ORC1: variants seen among roughly 807,000 people sequenced by gnomAD.
ORC1 encodes the protein origin recognition complex subunit 1, also known as origin recognition complex, subunit 1 homolog.
Under a neutral mutation model 98.9 loss-of-function variants are expected in ORC1, and 61 were observed. That is an observed-to-expected ratio of 0.62 (90% CI 0.50 to 0.76). The LOEUF (loss-of-function observed/expected upper bound fraction) is 0.76. Among genes scored for constraint, ORC1 ranks in the 30% least tolerant of loss-of-function variants. ORC1 has a pLI of 0.00. For synonymous variants in ORC1, 385 were observed against 406.9 expected (o/e 0.95, Z 0.65); for missense variants, 979 against 1,072.2 (o/e 0.91, Z 1.21).
upstream of ORC1, chr1:52,408,824 T>G: frequency 8.6e-7 from 1 of 1,161,890 alleles, no homozygotes; most frequent in Non-Finnish European, 1.2e-6. Flanking sequence ...CTATGCAGGT[T>G]TTCCCTTGTC....
At position 52,388,529 on chromosome 1, in the gene ORC1, T is replaced by A; in HGVS notation, c.1296A>T (p.Pro432=). 6.2e-7 allele frequency: 1 copy of A among 1,614,162 alleles called. No homozygotes were observed. The highest frequency in any genetic ancestry group is 8.5e-7 in the Non-Finnish European group (1 of 1,179,992). ...DEEEASTPPL[P]RRAPRTVSRN... ...TGGACACAGTTCTGGGTGCTCTCCT[T>A]GGAAGGGGCGGTGTGGAAGCCTCTT... Residue 432 remains proline, a synonymous_variant, in exon 8 of 17, where the codon CCA becomes CCT. Coordinates refer to ENST00000371568, the MANE Select transcript of ORC1 (RefSeq NM_004153.4).
chr1:52,398,092 TAGCTGAG>T (rs1374549445), intron 3 of ORC1, among the ~76,000 whole-genome samples: 2 of 151,688 alleles, frequency 1.3e-5, no homozygotes, highest in African/African-American at 4.8e-5. Flanking sequence ...GCCTCCTGAG[TAGCTGAG>T]ATTACAGGCA....
At chr1:52,404,038 C>T (rs1647867086) in intron 1 of ORC1, among the ~76,000 whole-genome samples, 1 of 152,226 alleles carries the variant, frequency 6.6e-6, no homozygotes, top group South Asian at 2.1e-4. Flanking sequence ...AACTCAGTTC[C>T]CTGCAGCGCG....
chr1:52,404,500 C>T (rs1647900738), upstream of ORC1: 1 of 374,560 alleles, frequency 2.7e-6, no homozygotes, highest in Non-Finnish European at 4.9e-6. Flanking sequence ...ACTAGCTCGC[C>T]CCGCCCACTC....
intron 6 of ORC1, among the ~76,000 whole-genome samples, chr1:52,392,776 G>A (rs931822938): frequency 6.6e-6 from 1 of 152,154 alleles, no homozygotes; most frequent in Non-Finnish European, 1.5e-5. Flanking sequence ...ATGGAGATGA[G>A]ACCATTATTC....
intron 6 of ORC1, among the ~76,000 whole-genome samples, chr1:52,392,195 C>A (rs1647226887): frequency 6.6e-6 from 1 of 151,098 alleles, no homozygotes; most frequent in Non-Finnish European, 1.5e-5. Flanking sequence ...AGTGGCGCGA[C>A]CTCCGCTCAC....
At chr1:52,385,358 C>A in intron 9 of ORC1, 96 bp from the exon 10 acceptor site, 1 of 877,542 alleles carries the variant, frequency 1.1e-6, no homozygotes, top group South Asian at 1.3e-5. Flanking sequence ...GGTTTCTTGT[C>A]TATGTTTCTA....
chr1:52,388,474 A>G lies in ORC1; in HGVS notation c.1351T>C (p.Leu451=). ...TTTGGCACCTTCGTGAGGGTATGTA[A>G]GGATGACTTCAAGGAAGATCGCAGG... ...RNLRSSLKSS[L]HTLTKVPKKS... Residue 451 remains leucine (L), a synonymous_variant, in exon 8 of 17, where the codon TTA becomes CTA. Transcript: ENST00000371568. The G allele has an allele frequency of 6.2e-7, 1 of 1,614,138 alleles. No individual in the cohort carries two copies. Among genetic ancestry groups the G allele is most frequent in the Non-Finnish European group, 8.5e-7 (1 of 1,180,004 alleles).
At chr1:52,386,689 C>T (rs76988190) in intron 8 of ORC1, among the ~76,000 whole-genome samples, 1,531 of 152,286 alleles carry the variant, frequency 0.01, 21 homozygotes, top group African/African-American at 0.035. Context: ...CAGGCTGGTG[C>T]GGTGACTCAC....
Position 52,381,740 on chromosome 1 carries a change from G to A in ORC1, c.2035C>T (p.Gln679Ter). 1 of 1,613,406 alleles carries A rather than the reference G, an allele frequency of 6.2e-7. No individual in the cohort carries two copies. Among genetic ancestry groups the A allele is most frequent in the Non-Finnish European group, 8.5e-7 (1 of 1,179,620 alleles). The change falls in exon 14 of 17, where the codon CAG (glutamine) becomes TAG (stop). Residue 679 changes from glutamine to a stop codon, truncating the protein, a stop_gained. Coordinates refer to ENST00000371568, the MANE Select transcript of ORC1 (RefSeq NM_004153.4). LOFTEE classifies it high-confidence loss of function. ...SRLGLTRMCF[Q>*]PYTYSQLQQI... ...TGCAGCTGGCTATATGTATAGGGCT[G>A]GAAGCACATCCTGGTAAGACCCTGG... is the stretch of plus-strand genomic sequence containing the variant.
intron 14 of ORC1, among the ~76,000 whole-genome samples, chr1:52,378,296 GAT>G (rs1333505510): frequency 6.6e-6 from 1 of 151,076 alleles, no homozygotes; most frequent in Non-Finnish European, 1.5e-5. Context: ...AGTGAGCTGA[GAT>G]CGTGCCACTG....
At chr1:52,399,464 A>T (rs1282562383) in intron 3 of ORC1, among the ~76,000 whole-genome samples, 5 of 152,036 alleles carry the variant, frequency 3.3e-5, no homozygotes, top group African/African-American at 9.7e-5. Context: ...CTCTACTAAA[A>T]ATACAAAAAA....
At chr1:52,408,771 TAGAC>T, upstream of ORC1, 1 of 1,505,468 alleles carries the variant, frequency 6.6e-7, no homozygotes, top group Non-Finnish European at 9.1e-7. Context: ...TGCATTGTCA[TAGAC>T]AGTGTGAATG....
In ORC1 at chr1:52,397,673, G is replaced by A. The variant is rs138085865; in HGVS notation, c.402+12C>T. 509 of 1,613,410 alleles carry A rather than the reference G, an allele frequency of 3.2e-4. 2 individuals are homozygous for A. In the African/African-American group the frequency reaches 6.3e-3, roughly 20 times the overall value. Reference sequence around the variant, plus strand: ...GCTTCAAGGTAGAACCAAGGATGGTGGCATCACCTACCCGAACAAGGCCAA... The same window carrying A: ...GCTTCAAGGTAGAACCAAGGATGGTAGCATCACCTACCCGAACAAGGCCAA... On this transcript the variant is annotated intron_variant, in intron 4 of 16. Transcript: ENST00000371568.
At chr1:52,390,677 G>A (rs1647196739) in intron 6 of ORC1, among the ~76,000 whole-genome samples, 1 of 151,906 alleles carries the variant, frequency 6.6e-6, no homozygotes, top group African/African-American at 2.4e-5. Context: ...GATCACCTGA[G>A]GTCAGGAGTT....
intron 14 of ORC1, among the ~76,000 whole-genome samples, chr1:52,380,263 C>G (rs1483895752): frequency 1.3e-5 from 2 of 152,224 alleles, no homozygotes; most frequent in East Asian, 1.9e-4. Context: ...TGTTCAGAGC[C>G]AGCTGTTTAA....
intron 12 of ORC1, 82 bp from the exon 13 acceptor site, chr1:52,383,651 T>A: frequency 6.7e-7 from 1 of 1,492,878 alleles, no homozygotes; most frequent in Non-Finnish European, 9.3e-7. Context: ...TAACCACTGC[T>A]TTAGCTGCAT....
chr1:52,380,890 C>T (rs1288185461), intron 14 of ORC1, among the ~76,000 whole-genome samples: 2 of 152,200 alleles, frequency 1.3e-5, no homozygotes, highest in African/African-American at 2.4e-5. Flanking sequence ...CCTCTTACCC[C>T]AGTCCCTAAT....
intron 1 of ORC1, among the ~76,000 whole-genome samples, chr1:52,402,880 G>A (rs906432295): frequency 6.6e-6 from 1 of 152,210 alleles, no homozygotes; most frequent in Non-Finnish European, 1.5e-5. Flanking sequence ...CTGGGTGACA[G>A]AGCAGAACTC....
Sources: gnomAD v4.1 joint callset for allele counts (sites outside exome capture counted in the v4.1 genomes callset) on GRCh38, gnomAD v4.1.1 for gene constraint, MANE v1.5 for transcripts, NCBI Gene and HGNC (gene_info 2026-07-23, HGNC 2026-07-21) for gene names.